Variants in NAALADL2 observed in about 807,000 individuals in gnomAD.
NAALADL2 encodes the protein inactive N-acetylated-alpha-linked acidic dipeptidase-like protein 2.
In NAALADL2, 76 loss-of-function variants were observed where a neutral mutation model predicts 87.2. The ratio of observed to expected loss-of-function variants is 0.87; its 90% CI spans 0.72 to 1.05. NAALADL2 has a LOEUF of 1.05. NAALADL2 is among the 50% of genes least tolerant of loss of function. The pLI, the probability that NAALADL2 is intolerant of heterozygous loss-of-function variation, is 0.00. For synonymous variants in NAALADL2, 354 were observed against 331.0 expected, an observed-to-expected ratio of 1.07 and a Z score of -0.75; for missense variants, 1,089 against 945.8, an observed-to-expected ratio of 1.15 and a Z score of -1.99.
chr3:174,951,281 A>G (rs1014640912), intron 1 of NAALADL2, among the ~76,000 whole-genome samples: 1 of 152,114 alleles, frequency 6.6e-6, no homozygotes. Flanking sequence ...TGTAATTCTC[A>G]GGAGGCAAGA....
rs1197609403 is a variant in NAALADL2, at chr3:175,147,585, AT to A, written c.545+50299del. 1.1e-4 allele frequency among the ~76,000 whole-genome samples: 4 copies of A among 35,464 alleles called. No homozygotes were observed. In the East Asian group the frequency reaches 5.3e-3, roughly 47 times the overall value. The allele number at this position is 35,464 out of a possible 152,430, so 23.3% of individuals were successfully genotyped here. On this transcript the variant is annotated intron_variant, in intron 2 of 13. Transcript: ENST00000454872. ...ATATGTCTTTTTGGTAGAACAGTTT[AT>A]TTTTGGGGGGGGTATATACTCAATA...
intron 2 of NAALADL2, among the ~76,000 whole-genome samples, chr3:174,599,523 C>T (rs1718240844): frequency 6.6e-6 from 1 of 151,936 alleles, no homozygotes; most frequent in Non-Finnish European, 1.5e-5. Flanking sequence ...CTACATGTTC[C>T]CTAATATGTC....
intron 1 of NAALADL2, among the ~76,000 whole-genome samples, chr3:175,082,024 C>T (rs1264247044): frequency 2.0e-5 from 3 of 149,506 alleles, no homozygotes; most frequent in Non-Finnish European, 3.0e-5. Context: ...CTCTCTCTCT[C>T]GTTCCCTTTG....
chr3:175,540,676 G>A (rs189782286), intron 9 of NAALADL2, among the ~76,000 whole-genome samples: 12 of 152,154 alleles, frequency 7.9e-5, no homozygotes, highest in East Asian at 1.9e-4. Context: ...CTTCTGGGCC[G>A]GTGAGTTGCA....
Position 175,044,332 on chromosome 3 carries a change from T to C in NAALADL2, c.44-52458T>C, listed in dbSNP as rs115886365. ...CAAATGTTAGAAATGAGAAGAATGA[T>C]TGAAATCATTTCTCTCTCTCATCTC... On this transcript the variant is annotated intron_variant, in intron 1 of 13. Coordinates refer to ENST00000454872, the MANE Select transcript of NAALADL2 (RefSeq NM_207015.3). 2.6e-3 allele frequency among the ~76,000 whole-genome samples: 395 copies of C among 152,298 alleles called. 1 individual carries two copies. The highest frequency in any genetic ancestry group is 8.8e-3 in the African/African-American group (364 of 41,578).
intron 1 of NAALADL2, among the ~76,000 whole-genome samples, chr3:174,482,423 A>G (rs1328679322): frequency 6.6e-6 from 1 of 152,080 alleles, no homozygotes; most frequent in Non-Finnish European, 1.5e-5. Context: ...TGAAAATATT[A>G]TGAATGCCCA....
At chr3:175,752,177 A>T (rs574600031) in intron 12 of NAALADL2, among the ~76,000 whole-genome samples, 5 of 152,306 alleles carry the variant, frequency 3.3e-5, no homozygotes, top group African/African-American at 1.2e-4. Flanking sequence ...TACAAAGAGA[A>T]ATAAAATGTA....
intron 3 of NAALADL2, among the ~76,000 whole-genome samples, chr3:174,842,702 C>CT (rs1420229704): frequency 6.6e-6 from 1 of 152,118 alleles, no homozygotes; most frequent in Non-Finnish European, 1.5e-5. Flanking sequence ...TGACATCCGG[C>CT]TTGGTACCTC....
intron 1 of NAALADL2, among the ~76,000 whole-genome samples, chr3:175,026,482 TAAA>T (rs59236659): frequency 1.3e-4 from 11 of 85,470 alleles, no homozygotes; most frequent in Admixed American, 2.7e-4. Context: ...CCGTCTCTAC[TAAA>T]AAAAAAAAAA....
chr3:175,010,612 A>C (rs1451250429), intron 1 of NAALADL2, among the ~76,000 whole-genome samples: 1 of 152,158 alleles, frequency 6.6e-6, no homozygotes, highest in Non-Finnish European at 1.5e-5. Flanking sequence ...TGTTTGTTTG[A>C]AGTCATGGAT....
At chr3:174,922,335 A>G (rs1202008088) in intron 1 of NAALADL2, among the ~76,000 whole-genome samples, 1 of 144,850 alleles carries the variant, frequency 6.9e-6, no homozygotes, top group Non-Finnish European at 1.5e-5. Flanking sequence ...AAAATTGTCT[A>G]TGATTTTTTT....
chr3:174,866,792 T>C (rs930077462), intron 1 of NAALADL2, among the ~76,000 whole-genome samples: 2 of 151,710 alleles, frequency 1.3e-5, no homozygotes, highest in Non-Finnish European at 3.0e-5. Flanking sequence ...TGTAGGTAAA[T>C]AGGAATTTGG....
At chr3:175,580,592 ATCT>A (rs1719617218) in intron 10 of NAALADL2, among the ~76,000 whole-genome samples, 2 of 142,984 alleles carry the variant, frequency 1.4e-5, no homozygotes, top group Non-Finnish European at 2.9e-5. Flanking sequence ...GTTTTGCAGT[ATCT>A]GATGAAATCT....
At chr3:175,410,239 G>A (rs1167403669) in intron 5 of NAALADL2, among the ~76,000 whole-genome samples, 1 of 152,098 alleles carries the variant, frequency 6.6e-6, no homozygotes, top group African/African-American at 2.4e-5. Flanking sequence ...ACGTGTAATT[G>A]ATTACTTTTT....
intron 10 of NAALADL2, among the ~76,000 whole-genome samples, chr3:175,623,995 A>C (rs1358290724): frequency 1.3e-5 from 2 of 151,676 alleles, no homozygotes; most frequent in Admixed American, 1.3e-4. Flanking sequence ...TCCTGATGTG[A>C]AATCATGCTG....
rs1754607627 is a variant in NAALADL2 at position 175,805,333 on chromosome 3, T to C, written c.*2130T>C. 6.6e-6 allele frequency: 1 copy of C among 151,958 alleles called. No individual in the cohort carries two copies. The highest frequency in any genetic ancestry group is 1.5e-5 in the Non-Finnish European group (1 of 67,910). 9.4% of individuals were successfully genotyped at this position (151,958 alleles called of 1,614,324 possible). ...TTGCGTACCTAGGTAAGTCACACTG[T>C]ATAGATAAAAACCTTCTTCTGTATT... On this transcript the variant is annotated 3_prime_UTR_variant, in exon 14 of 14. Transcript: ENST00000454872.
rs1264690764 is a variant in NAALADL2, at chr3:174,960,384, A to G, written c.43+100934A>G. On this transcript the variant is annotated intron_variant, in intron 1 of 13. Coordinates refer to ENST00000454872, the MANE Select transcript of NAALADL2 (RefSeq NM_207015.3). ...ATAGTTTCCAGTTTTCCTGGTATTAAGTGTGATCATATGACTGAGTTCTGG... is the reference window on the plus strand; with the variant it reads ...ATAGTTTCCAGTTTTCCTGGTATTAGGTGTGATCATATGACTGAGTTCTGG... 2.0e-5 allele frequency among the ~76,000 whole-genome samples: 3 copies of G among 152,048 alleles called. No individual in the cohort carries two copies. In the East Asian group the frequency reaches 5.8e-4, roughly 29 times the overall value.
chr3:175,371,667 A>G (rs555170607), intron 5 of NAALADL2, among the ~76,000 whole-genome samples: 1 of 151,888 alleles, frequency 6.6e-6, no homozygotes, highest in Non-Finnish European at 1.5e-5. Flanking sequence ...TCTACTAAAA[A>G]TACAAAAATT....
chr3:175,011,722 A>G (rs1305772722), intron 1 of NAALADL2, among the ~76,000 whole-genome samples: 1 of 152,170 alleles, frequency 6.6e-6, no homozygotes, highest in Non-Finnish European at 1.5e-5. Context: ...AGGACAGCAG[A>G]GGCCCCAAGG....
Sources: allele counts gnomAD v4.1 joint callset (sites outside exome capture counted in the v4.1 genomes callset), GRCh38; gene constraint gnomAD v4.1.1; transcripts MANE v1.5; gene names NCBI Gene and HGNC (gene_info 2026-07-23, HGNC 2026-07-21).